GFM1: variants seen among roughly 807,000 people sequenced by gnomAD.
GFM1 encodes elongation factor G, mitochondrial.
In GFM1, 62 loss-of-function variants were observed where a neutral mutation model predicts 96.2. That is an observed-to-expected ratio of 0.64 (90% confidence interval 0.53 to 0.80). GFM1 has a LOEUF of 0.80. Ranked by LOEUF, GFM1 falls within the 30% of genes least tolerant of loss-of-function variation. GFM1 has a pLI of 0.00. For missense variants in GFM1, 852 were observed against 916.6 expected (o/e 0.93, Z 0.91); for synonymous variants, 282 against 312.9 (o/e 0.90, Z 1.04).
chr3:158,646,998 C>A, intron 4 of GFM1, 51 bp downstream of exon 4: 1 of 1,377,030 alleles, frequency 7.3e-7, no homozygotes, highest in Non-Finnish European at 1.0e-6. Flanking sequence ...AGACAGCAAA[C>A]CTTATATCCA....
In GFM1 at chr3:158,684,614, G is replaced by T. The variant is rs753229687; in HGVS notation, c.1855G>T (p.Val619Phe). Residue 619 changes from valine to phenylalanine, a missense_variant, in exon 15 of 18, where the codon GTT (valine) becomes TTT (phenylalanine). Coordinates refer to ENST00000486715, the MANE Select transcript of GFM1 (RefSeq NM_024996.7). ...FVLQDGAHHM[V>F]DSNEISFIRA... is the part of the protein sequence containing the mutation. ...CCTGCAAGATGGAGCACACCACATG[G>T]TTGATTCTAATGAAATCTCTTTCAT... 1.9e-6 allele frequency: 3 copies of T among 1,614,086 alleles called. No homozygotes were observed. The Admixed American group carries it at 5.0e-5, about 27-fold the overall frequency.
chr3:158,682,953 T>G (rs953087017), intron 14 of GFM1, among the ~76,000 whole-genome samples: 1 of 151,598 alleles, frequency 6.6e-6, no homozygotes, highest in African/African-American at 2.4e-5. Flanking sequence ...GAGGATTGCT[T>G]GAGCCCAGAA....
chr3:158,672,329 A>T, intron 13 of GFM1: 4 of 1,612,730 alleles, frequency 2.5e-6, no homozygotes, highest in Non-Finnish European at 3.4e-6. Flanking sequence ...TCTGCTGTCC[A>T]CCACCCCCTG....
At chr3:158,689,511 C>T (rs1726129543) in intron 15 of GFM1, among the ~76,000 whole-genome samples, 1 of 152,000 alleles carries the variant, frequency 6.6e-6, no homozygotes, top group South Asian at 2.1e-4. Flanking sequence ...TGCCCTGTGA[C>T]AAAAATTATT....
intron 6 of GFM1, 139 bp downstream of exon 6, chr3:158,652,385 C>T (rs1722371289): frequency 4.1e-6 from 3 of 737,318 alleles, no homozygotes; most frequent in Non-Finnish European, 6.8e-6. Context: ...TTGGCTTCCT[C>T]AAAAAATACT....
In GFM1 at chr3:158,690,195, C is replaced by T. The variant is rs758611209; in HGVS notation, c.1942C>T (p.Pro648Ser). 6.2e-7 allele frequency: 1 copy of T among 1,613,070 alleles called. No individual in the cohort carries two copies. The highest frequency in any genetic ancestry group is 8.5e-7 in the Non-Finnish European group (1 of 1,179,616). The change falls in exon 16 of 18, where the codon CCT (proline) becomes TCT (serine). Residue 648 changes from proline (P) to serine (S), a missense_variant. By Grantham distance (74) the Pro-to-Ser change is moderately conservative. Transcript: ENST00000486715. ...LANATLCILE[P>S]IMAVEVVAPN... ...AAATGCAACATTATGTATTCTTGAA[C>T]CTATTATGGCTGTGGAAGTTGTAGC...
Position 158,687,845 on chromosome 3 carries a change from G to A in GFM1, c.1910-2318G>A, listed in dbSNP as rs947686262. Among the ~76,000 whole-genome samples, 3 of 152,090 alleles carry A rather than the reference G, an allele frequency of 2.0e-5. No individual in the cohort carries two copies. The East Asian group carries it at 5.8e-4, about 29-fold the overall frequency. On this transcript the variant is annotated intron_variant, in intron 15 of 17. Coordinates refer to ENST00000486715, the MANE Select transcript of GFM1 (RefSeq NM_024996.7). ...AGATTTGAAGTAAAAATAAAAATTAGCTTTTTCTATCCTGATTAAAAAAAG... is the reference window on the plus strand; with the variant it reads ...AGATTTGAAGTAAAAATAAAAATTAACTTTTTCTATCCTGATTAAAAAAAG...
At chr3:158,649,284 GGTTTT>G (rs1722102412) in intron 5 of GFM1, 127 bp downstream of exon 5, 2 of 604,084 alleles carry the variant, frequency 3.3e-6, no homozygotes, top group African/African-American at 1.9e-5. Flanking sequence ...ACTCTGAGAT[GGTTTT>G]GTTTTAATAC....
rs1721881758 is a variant in GFM1, at chr3:158,647,065, ATATT to A, written c.572+122_572+125del. ...TATTCTTAAATTTAGTTTTTTAAATATATTTATGTGAGTTAGTAAGTGGAACACT... is the reference window on the plus strand; with the variant it reads ...TATTCTTAAATTTAGTTTTTTAAATATATGTGAGTTAGTAAGTGGAACACT... On this transcript the variant is annotated intron_variant, in intron 4 of 17. Transcript: ENST00000486715. The A allele has an allele frequency of 7.1e-6, 6 of 839,554 alleles. No homozygotes were observed. The Admixed American group carries it at 1.0e-4, about 15-fold the overall frequency. 52.0% of individuals were successfully genotyped at this position (839,554 alleles called of 1,614,324 possible). A position where few individuals can be genotyped will look rare whatever the true frequency, so the allele number is the denominator to read the frequency against.
At chr3:158,664,591 T>C (rs1723472844) in intron 11 of GFM1, among the ~76,000 whole-genome samples, 1 of 152,188 alleles carries the variant, frequency 6.6e-6, no homozygotes, top group East Asian at 1.9e-4. Context: ...CTGCCACTTC[T>C]TCCTTCATGG....
At chr3:158,679,865 C>T (rs1428449821) in intron 13 of GFM1, among the ~76,000 whole-genome samples, 1 of 152,164 alleles carries the variant, frequency 6.6e-6, no homozygotes, top group Non-Finnish European at 1.5e-5. Context: ...TGTGAGCTTC[C>T]TCAAGTCACC....
intron 8 of GFM1, chr3:158,657,534 G>A (rs1044549444): frequency 1.3e-5 from 2 of 152,126 alleles, no homozygotes; most frequent in Non-Finnish European, 2.9e-5. Flanking sequence ...GTGCTTTAAA[G>A]TTTGTATAGT....
intron 1 of GFM1, 82 bp downstream of exon 1, chr3:158,644,797 C>T (rs1018008994): frequency 2.5e-6 from 3 of 1,218,252 alleles, no homozygotes; most frequent in Non-Finnish European, 3.6e-6. Flanking sequence ...CCGTGACACC[C>T]CCTGGGTCCT....
chr3:158,644,592 C>T lies in GFM1; in HGVS notation c.-43C>T, dbSNP rs1406887222. 1 of 1,522,978 alleles carries T rather than the reference C, an allele frequency of 6.6e-7. No individual in the cohort carries two copies. Among genetic ancestry groups the T allele is most frequent in the East Asian group, 2.4e-5 (1 of 41,086 alleles). 94.3% of individuals were successfully genotyped at this position (1,522,978 alleles called of 1,614,324 possible). A position where few individuals can be genotyped will look rare whatever the true frequency, so the allele number is the denominator to read the frequency against. On this transcript the variant is annotated 5_prime_UTR_variant, in exon 1 of 18. Coordinates refer to ENST00000486715, the MANE Select transcript of GFM1 (RefSeq NM_024996.7). Reference sequence around the variant, plus strand: ...CCCGGTGCGTTACCGGCAGCTGAACCCACCCGGCGCCACGGGACTTTGACG... The same window carrying T: ...CCCGGTGCGTTACCGGCAGCTGAACTCACCCGGCGCCACGGGACTTTGACG...
At chr3:158,670,306 T>C (rs529063713) in intron 13 of GFM1, among the ~76,000 whole-genome samples, 2 of 152,254 alleles carry the variant, frequency 1.3e-5, no homozygotes, top group Non-Finnish European at 2.9e-5. Flanking sequence ...ATTCTATTGC[T>C]TCTGAATATC....
chr3:158,652,979 G>A (rs770814010), intron 6 of GFM1, among the ~76,000 whole-genome samples: 14 of 151,986 alleles, frequency 9.2e-5, no homozygotes, highest in African/African-American at 1.5e-4. Context: ...TTGTACAATT[G>A]TAGCGTACTG....
chr3:158,649,761 G>A (rs760381022), intron 5 of GFM1: 13 of 472,652 alleles, frequency 2.8e-5, no homozygotes, highest in East Asian at 2.2e-4. Flanking sequence ...AAACCTTAGC[G>A]TTGTTCATAA....
At chr3:158,666,167 A>G in intron 12 of GFM1, 137 bp from the exon 13 acceptor site, 2 of 688,156 alleles carry the variant, frequency 2.9e-6, no homozygotes, top group East Asian at 5.6e-5. Flanking sequence ...CCTAATCCTT[A>G]TAAGATACTA....
chr3:158,649,450 T>C (rs1722116388), intron 5 of GFM1: 1 of 291,434 alleles, frequency 3.4e-6, no homozygotes, highest in South Asian at 3.8e-5. Context: ...GGTTAGTGAA[T>C]GTATTGTATC....
Sources: allele counts gnomAD v4.1 joint callset (sites outside exome capture counted in the v4.1 genomes callset), GRCh38; gene constraint gnomAD v4.1.1; transcripts MANE v1.5; gene names NCBI Gene and HGNC (gene_info 2026-07-23, HGNC 2026-07-21).